Variants in NUP155 observed in about 807,000 individuals in gnomAD.
NUP155 encodes nucleoporin 155.
In NUP155, 71 loss-of-function variants were observed where a neutral mutation model predicts 180.4. The ratio of observed to expected loss-of-function variants is 0.39; its 90% CI spans 0.33 to 0.48. The LOEUF (loss-of-function observed/expected upper bound fraction) is 0.48, where lower values mean the gene tolerates loss of function less well. Among genes scored for constraint, NUP155 ranks in the 20% least tolerant of loss-of-function variants. The pLI is 0.91. For synonymous variants in NUP155, 582 were observed against 559.5 expected, an observed-to-expected ratio of 1.04 and a Z score of -0.57; for missense variants, 1,553 against 1,648.9, an observed-to-expected ratio of 0.94 and a Z score of 1.01.
Position 37,324,031 on chromosome 5 carries a change from C to T in NUP155, c.2168G>A (p.Arg723Lys), listed in dbSNP as rs1225133734. 6.2e-7 allele frequency: 1 copy of T among 1,613,648 alleles called. No individual in the cohort carries two copies. Residue 723 changes from arginine to lysine, a missense_variant, in exon 20 of 35, where the codon AGA becomes AAA. By Grantham distance (26) the Arg-to-Lys change is conservative. Transcript: ENST00000231498. ...ELKGLQEFLD[R>K]NSQFAGGPLG... ...TGGTCCTCCTGCAAACTGGGAGTTT[C>T]TGTCTAGAAATTCCTGCAAACCCTT...
intron 11 of NUP155, among the ~76,000 whole-genome samples, chr5:37,338,317 CAAAAAAA>C (rs530524699): frequency 1.5e-5 from 1 of 65,058 alleles, no homozygotes; most frequent in Non-Finnish European, 3.7e-5. Flanking sequence ...GATTCCGTCT[CAAAAAAA>C]AAAAAAAAAA....
intron 19 of NUP155, among the ~76,000 whole-genome samples, chr5:37,325,529 G>T (rs1289322972): frequency 6.6e-6 from 1 of 152,100 alleles, no homozygotes; most frequent in South Asian, 2.1e-4. Flanking sequence ...AGCACTTTGG[G>T]AAGCCAAGGC....
intron 13 of NUP155, among the ~76,000 whole-genome samples, chr5:37,332,794 A>G (rs754791488): frequency 3.6e-4 from 54 of 152,018 alleles, no homozygotes; most frequent in Non-Finnish European, 5.9e-4. Context: ...CTGTCTCTAC[A>G]GAAAATACAA....
intron 18 of NUP155, 30 bp downstream of exon 18, chr5:37,327,599 C>T (rs1442231171): frequency 3.1e-6 from 5 of 1,611,994 alleles, no homozygotes; most frequent in Non-Finnish European, 3.4e-6. Flanking sequence ...ACAAGGTGAG[C>T]AATAATTCAT....
At chr5:37,294,845 A>C (rs1742436949) in intron 32 of NUP155, among the ~76,000 whole-genome samples, 1 of 152,156 alleles carries the variant, frequency 6.6e-6, no homozygotes, top group South Asian at 2.1e-4. Flanking sequence ...GGAGGGTGTG[A>C]AGGAATGGGA....
At chr5:37,295,175 T>C (rs919064595) in intron 32 of NUP155, among the ~76,000 whole-genome samples, 2 of 152,084 alleles carry the variant, frequency 1.3e-5, no homozygotes, top group Non-Finnish European at 2.9e-5. Context: ...GCCTGCCGAG[T>C]GCCTGCGATT....
intron 32 of NUP155, among the ~76,000 whole-genome samples, chr5:37,298,075 T>C (rs537045448): frequency 6.6e-6 from 1 of 151,998 alleles, no homozygotes; most frequent in Non-Finnish European, 1.5e-5. Context: ...TCATTTCTAA[T>C]AAAAATACAG....
At chr5:37,301,210 A>T in intron 30 of NUP155, 1 of 470,866 alleles carries the variant, frequency 2.1e-6, no homozygotes, top group Non-Finnish European at 3.9e-6. Flanking sequence ...TCATGCGAGG[A>T]TGATAGGTTC....
chr5:37,330,155 G>A lies in NUP155; in HGVS notation c.1630-23C>T, dbSNP rs905441628. 5.9e-6 allele frequency: 9 copies of A among 1,530,440 alleles called. No homozygotes were observed. In the South Asian group the frequency reaches 6.9e-5, roughly 12 times the overall value. 94.8% of individuals were successfully genotyped at this position (1,530,440 alleles called of 1,614,324 possible). A position where few individuals can be genotyped will look rare whatever the true frequency, so the allele number is the denominator to read the frequency against. On this transcript the variant is annotated intron_variant, in intron 14 of 34. Transcript: ENST00000231498. ...TTCCTGTGTAAAAAGAGGAATATTGGCCTTATATTAAATACAAATTTTAAA... is the reference window on the plus strand; with the variant it reads ...TTCCTGTGTAAAAAGAGGAATATTGACCTTATATTAAATACAAATTTTAAA...
chr5:37,303,203 T>C, intron 28 of NUP155, 57 bp downstream of exon 28: 1 of 1,575,026 alleles, frequency 6.3e-7, no homozygotes. Context: ...AAACTGAATG[T>C]AAGTACATAT....
At chr5:37,308,732 T>G (rs1487192313) in intron 24 of NUP155, among the ~76,000 whole-genome samples, 1 of 150,096 alleles carries the variant, frequency 6.7e-6, no homozygotes, top group African/African-American at 2.5e-5. Flanking sequence ...AATAAAAAAT[T>G]AGCTGGGCGT....
In NUP155 at chr5:37,290,380, G is replaced by A. The variant is rs1468569783; in HGVS notation, c.*1520C>T. On this transcript the variant is annotated 3_prime_UTR_variant, in exon 35 of 35. Coordinates refer to ENST00000231498, the MANE Select transcript of NUP155 (RefSeq NM_153485.3). ...CAATCCCAGCTACTCGAGAGGCTGA[G>A]GCAGGCAAATTGCTTCAAACCTGTG... is the stretch of plus-strand genomic sequence containing the variant. 1 of 151,990 alleles carries A rather than the reference G, an allele frequency of 6.6e-6. No homozygotes were observed. The highest frequency in any genetic ancestry group is 1.5e-5 in the Non-Finnish European group (1 of 68,044). 9.4% of individuals were successfully genotyped at this position (151,990 alleles called of 1,614,324 possible). A position where few individuals can be genotyped will look rare whatever the true frequency, so the allele number is the denominator to read the frequency against.
intron 12 of NUP155, among the ~76,000 whole-genome samples, chr5:37,335,401 T>A (rs575322760): frequency 1.1e-4 from 17 of 150,788 alleles, no homozygotes; most frequent in Non-Finnish European, 8.9e-5. Context: ...AAAAAAAGTA[T>A]TTTAATCTTC....
chr5:37,324,280 A>T (rs1744439007), intron 19 of NUP155, among the ~76,000 whole-genome samples, 173 bp from the exon 20 acceptor site: 1 of 152,218 alleles, frequency 6.6e-6, no homozygotes, highest in South Asian at 2.1e-4. Flanking sequence ...AGTAACACTG[A>T]TGCATAACTA....
intron 9 of NUP155, among the ~76,000 whole-genome samples, chr5:37,345,366 G>A (rs1339740054): frequency 2.0e-5 from 3 of 151,870 alleles, no homozygotes; most frequent in African/African-American, 7.3e-5. Context: ...AAATTAGCCA[G>A]ATGTGGTGGC....
At chr5:37,342,957 G>C (rs1745832872) in intron 9 of NUP155, among the ~76,000 whole-genome samples, 1 of 152,168 alleles carries the variant, frequency 6.6e-6, no homozygotes, top group Admixed American at 6.5e-5. Context: ...GGCTGGTCTT[G>C]AACTCCTGAC....
chr5:37,351,670 C>A (rs900424124), intron 5 of NUP155, among the ~76,000 whole-genome samples: 1 of 151,784 alleles, frequency 6.6e-6, no homozygotes, highest in Non-Finnish European at 1.5e-5. Context: ...AGGATGGTCT[C>A]GATCTCCTGA....
chr5:37,367,718 A>G (rs1297895755), intron 1 of NUP155, among the ~76,000 whole-genome samples: 1 of 151,960 alleles, frequency 6.6e-6, no homozygotes, highest in Admixed American at 6.6e-5. Context: ...TATTTTTAGT[A>G]GAGATGGGGG....
At chr5:37,360,153 T>G (rs1188099937) in intron 3 of NUP155, among the ~76,000 whole-genome samples, 1 of 149,972 alleles carries the variant, frequency 6.7e-6, no homozygotes, top group African/African-American at 2.5e-5. Context: ...CAAAAAAAAA[T>G]AGGTAAAGAA....
Sources: allele counts gnomAD v4.1 joint callset (sites outside exome capture counted in the v4.1 genomes callset), GRCh38; gene constraint gnomAD v4.1.1; transcripts MANE v1.5; gene names NCBI Gene and HGNC (gene_info 2026-07-23, HGNC 2026-07-21).